KIF5A: variants seen among roughly 807,000 people sequenced by gnomAD.
KIF5A encodes kinesin family member 5A, also known as kinesin heavy chain isoform 5A.
KIF5A carries 35 observed loss-of-function variants against 141.3 expected under a neutral mutation model. The ratio of observed to expected loss-of-function variants is 0.25; its 90% CI spans 0.19 to 0.33. The LOEUF (loss-of-function observed/expected upper bound fraction) is 0.33, where lower values mean the gene tolerates loss of function less well. Ranked by LOEUF, KIF5A falls within the 10% of genes least tolerant of loss-of-function variation. The pLI is 1.00. For missense variants in KIF5A, 861 were observed against 1,314.3 expected, an observed-to-expected ratio of 0.66 and a Z score of 5.33; for synonymous variants, 448 against 500.2, an observed-to-expected ratio of 0.90 and a Z score of 1.39.
intron 1 of KIF5A, among the ~76,000 whole-genome samples, chr12:57,554,385 A>T (rs1881669711): frequency 6.6e-6 from 1 of 152,198 alleles, no homozygotes; most frequent in African/African-American, 2.4e-5. Context: ...CACACAGTAA[A>T]CCCTCAATAA....
At chr12:57,567,415 T>TGGGGGGGGGGGGGGGG in intron 7 of KIF5A, 79 bp from the exon 8 acceptor site, 2 of 1,108,134 alleles carry the variant, frequency 1.8e-6, no homozygotes, top group Non-Finnish European at 1.2e-6. Context: ...TGGGCGGGGC[T>TGGGGGGGGGGGGGGGG]GGGGTCAGTG....
rs1208376583 is a variant in KIF5A, at chr12:57,557,054, A to G, written c.130-6385A>G. Among the ~76,000 whole-genome samples the G allele has an allele frequency of 1.3e-5, 2 of 152,272 alleles. 1 individual carries two copies. The highest frequency in any genetic ancestry group is 1.3e-4 in the Admixed American group (2 of 15,300). ...CCACCCCTCATCAACTTGAACCCAT[A>G]CACATCTCCTGAGATCGTACAAATC... On this transcript the variant is annotated intron_variant, in intron 1 of 28. Transcript: ENST00000455537.
intron 28 of KIF5A, 51 bp downstream of exon 28, chr12:57,583,266 C>G: frequency 9.5e-7 from 1 of 1,048,568 alleles, no homozygotes; most frequent in South Asian, 1.3e-5. Flanking sequence ...TCCCTTCTTG[C>G]TGACAGCCTC....
chr12:57,575,595 G>A (rs1293702655), intron 16 of KIF5A, 45 bp from the exon 17 acceptor site: 1 of 1,507,590 alleles, frequency 6.6e-7, no homozygotes, highest in East Asian at 2.3e-5. Flanking sequence ...CTGGGTTTGT[G>A]TCCTTTGCTC....
rs1057523621 is a variant in KIF5A at position 57,580,943 on chromosome 12, G to T, written c.2539-13G>T. On this transcript the variant is annotated splice_polypyrimidine_tract_variant and intron_variant, in intron 23 of 28. Transcript: ENST00000455537. ...CCTTCCTTTCCACTTCTTCCCTTTGGCTTGCCCCATAGCTGGTACGTGACA... is the reference window on the plus strand; with the variant it reads ...CCTTCCTTTCCACTTCTTCCCTTTGTCTTGCCCCATAGCTGGTACGTGACA... 2 of 1,613,266 alleles carry T rather than the reference G, an allele frequency of 1.2e-6. No individual in the cohort carries two copies. Among genetic ancestry groups the T allele is most frequent in the Non-Finnish European group, 1.7e-6 (2 of 1,179,664 alleles).
At chr12:57,570,761 T>C (rs1882228148) in intron 12 of KIF5A, among the ~76,000 whole-genome samples, 1 of 152,174 alleles carries the variant, frequency 6.6e-6, no homozygotes, top group Admixed American at 6.5e-5. Flanking sequence ...TTAATAATTC[T>C]TCATAAAAGT....
At chr12:57,553,671 T>C (rs1208053423) in intron 1 of KIF5A, among the ~76,000 whole-genome samples, 1 of 152,122 alleles carries the variant, frequency 6.6e-6, no homozygotes, top group Admixed American at 6.6e-5. Context: ...ACCCCTGATC[T>C]TAAACCCCCA....
At chr12:57,560,454 T>A (rs1444629283) in intron 1 of KIF5A, among the ~76,000 whole-genome samples, 1 of 152,192 alleles carries the variant, frequency 6.6e-6, no homozygotes, top group Non-Finnish European at 1.5e-5. Context: ...AATTGTTATA[T>A]GGATGTACTC....
rs1473175854 is a variant in KIF5A, at chr12:57,584,721, G to A, written c.*540G>A. 2 of 152,604 alleles carry A rather than the reference G, an allele frequency of 1.3e-5. No individual in the cohort carries two copies. Among genetic ancestry groups the A allele is most frequent in the Non-Finnish European group, 2.9e-5 (2 of 68,062 alleles). 9.5% of individuals were successfully genotyped at this position (152,604 alleles called of 1,614,324 possible). On this transcript the variant is annotated 3_prime_UTR_variant, in exon 29 of 29. Coordinates refer to ENST00000455537, the MANE Select transcript of KIF5A (RefSeq NM_004984.4). Reference sequence around the variant, plus strand: ...CTTCCTCCCTCCTCTTTCACATATAGCACAGGGGAAGGTAAAATGGAAGGG... The same window carrying A: ...CTTCCTCCCTCCTCTTTCACATATAACACAGGGGAAGGTAAAATGGAAGGG...
chr12:57,566,629 C>G (rs1320332413), intron 6 of KIF5A, among the ~76,000 whole-genome samples: 1 of 151,946 alleles, frequency 6.6e-6, no homozygotes, highest in Admixed American at 6.6e-5. Flanking sequence ...AGGCTGGTCA[C>G]GAACTCCTGA....
intron 12 of KIF5A, 35 bp downstream of exon 12, chr12:57,570,197 A>G: frequency 1.2e-6 from 2 of 1,603,814 alleles, no homozygotes; most frequent in Middle Eastern, 1.8e-4. Flanking sequence ...GAGGCACGCC[A>G]GGTGGGATGA....
chr12:57,570,177 G>A lies in KIF5A; in HGVS notation c.1293+15G>A, dbSNP rs200594693. On this transcript the variant is annotated intron_variant, in intron 12 of 28. Transcript: ENST00000455537. Reference sequence around the variant, plus strand: ...TTGACGACAAGGTGAGGGCGGCCAGGCAGGGCACTGAGGCACGCCAGGTGG... The same window carrying A: ...TTGACGACAAGGTGAGGGCGGCCAGACAGGGCACTGAGGCACGCCAGGTGG... 9.9e-6 allele frequency: 16 copies of A among 1,612,414 alleles called. No homozygotes were observed. In the African/African-American group the frequency reaches 2.1e-4, roughly 21 times the overall value.
At chr12:57,552,667 G>A (rs1881613688) in intron 1 of KIF5A, among the ~76,000 whole-genome samples, 1 of 152,176 alleles carries the variant, frequency 6.6e-6, no homozygotes, top group South Asian at 2.1e-4. Flanking sequence ...ACAAGGGAAG[G>A]AAATTCCTAC....
rs926794860 is a variant in KIF5A at position 57,585,953 on chromosome 12, C to T, written c.*1772C>T. ...TTTTTTTTGGTGGAAGAAGTCTCAG[C>T]GTCTCTTAGGACTGACTGTTCAAAG... On this transcript the variant is annotated 3_prime_UTR_variant, in exon 29 of 29. Transcript: ENST00000455537. The T allele has an allele frequency of 4.2e-5, 6 of 142,688 alleles. No individual in the cohort carries two copies. The highest frequency in any genetic ancestry group is 4.1e-4 in the East Asian group (2 of 4,890). The allele number at this position is 142,688 out of a possible 1,614,324, so 8.8% of individuals were successfully genotyped here. A position where few individuals can be genotyped will look rare whatever the true frequency, so the allele number is the denominator to read the frequency against.
chr12:57,569,843 G>C, intron 11 of KIF5A, 144 bp from the exon 12 acceptor site: 3 of 1,354,764 alleles, frequency 2.2e-6, no homozygotes, highest in Non-Finnish European at 3.0e-6. Flanking sequence ...GAAGGGAGGG[G>C]CCTGACTACC....
In KIF5A at chr12:57,582,582, C is replaced by T. The variant is rs375827219; in HGVS notation, c.2993-20C>T. 6.4e-5 allele frequency: 102 copies of T among 1,605,912 alleles called. No homozygotes were observed. Among genetic ancestry groups the T allele is most frequent in the Non-Finnish European group, 7.8e-5 (92 of 1,172,694 alleles). ...TTTTTTCTTCTTCTAATCCTGTGTT[C>T]TCAATGATGATCTCTTCAGGAAATG... On this transcript the variant is annotated intron_variant, in intron 26 of 28. Coordinates refer to ENST00000455537, the MANE Select transcript of KIF5A (RefSeq NM_004984.4).
In KIF5A at chr12:57,583,195, G is replaced by C; in HGVS notation, c.*16G>C. ...AGCCAGCTAATCTCCCACACCCACG[G>C]CTGCATACCTGCACTTTCAGGTAGC... On this transcript the variant is annotated 3_prime_UTR_variant, in exon 28 of 29. Transcript: ENST00000455537. 6.2e-7 allele frequency: 1 copy of C among 1,610,554 alleles called. No individual in the cohort carries two copies.
In KIF5A at chr12:57,572,236, A is replaced by G. The variant is rs1338931080; in HGVS notation, c.1538A>G (p.Gln513Arg). 1.2e-6 allele frequency: 2 copies of G among 1,606,334 alleles called. No homozygotes were observed. Among genetic ancestry groups the G allele is most frequent in the East Asian group, 2.2e-5 (1 of 44,566 alleles). Reference protein sequence around the residue: ...QEVEEKSQQNQLLVDELSQKV... With the variant: ...QEVEEKSQQNRLLVDELSQKV... ...GTGGAGGAGAAGAGCCAGCAGAACC[A>G]GCTTCTGGTGGATGAGCTGTCTCAG... is the stretch of plus-strand genomic sequence containing the variant. Residue 513 changes from glutamine (Q) to arginine (R), a missense_variant, in exon 14 of 29, where the codon CAG becomes CGG. Gln to Arg is a conservative substitution (Grantham distance 43). Transcript: ENST00000455537. The surrounding 1 kb of genome is among the most constrained non-coding windows in gnomAD (Gnocchi z 4.2).
At chr12:57,574,040 G>T (rs1205670987) in intron 15 of KIF5A, among the ~76,000 whole-genome samples, 2 of 143,820 alleles carry the variant, frequency 1.4e-5, no homozygotes, top group South Asian at 2.3e-4. Context: ...CAGAGATGCG[G>T]CACTGCACTC....
Sources: gnomAD v4.1 joint callset for allele counts (sites outside exome capture counted in the v4.1 genomes callset) on GRCh38, gnomAD v4.1.1 for gene constraint, Gnocchi (gnomAD v3.1) non-coding constraint, MANE v1.5 for transcripts, NCBI Gene and HGNC (gene_info 2026-07-23, HGNC 2026-07-21) for gene names.